Variants in CFAP54 observed in about 807,000 individuals in gnomAD.
CFAP54 encodes cilia and flagella associated protein 54, also known as cilia- and flagella-associated protein 54.
Under a neutral mutation model 370.4 loss-of-function variants are expected in CFAP54, and 290 were observed. That is an observed-to-expected ratio of 0.78 (90% CI 0.71 to 0.86). The LOEUF is 0.86. CFAP54 is among the 40% of genes least tolerant of loss of function. CFAP54 has a pLI of 0.00. For synonymous variants in CFAP54, 1,206 were observed against 1,236.5 expected, an observed-to-expected ratio of 0.98 and a Z score of 0.52; for missense variants, 3,399 against 3,528.7, an observed-to-expected ratio of 0.96 and a Z score of 0.93.
chr12:96,548,542 A>G (rs1308490260), intron 15 of CFAP54, among the ~76,000 whole-genome samples: 1 of 152,204 alleles, frequency 6.6e-6, no homozygotes, highest in Non-Finnish European at 1.5e-5. Flanking sequence ...TCATGAATGT[A>G]CAGGAGGACT....
intron 56 of CFAP54, 145 bp from the exon 57 acceptor site, chr12:96,756,313 A>G: frequency 1.8e-6 from 1 of 566,602 alleles, no homozygotes; most frequent in Non-Finnish European, 3.1e-6. Context: ...ATCTTTCCTC[A>G]TTGGCTTACC....
intron 48 of CFAP54, among the ~76,000 whole-genome samples, chr12:96,717,217 G>C (rs188453089): frequency 3.4e-4 from 51 of 152,136 alleles, no homozygotes; most frequent in Non-Finnish European, 6.9e-4. Context: ...TTTGTACCAC[G>C]TTCAGGCATT....
intron 24 of CFAP54, 115 bp from the exon 25 acceptor site, chr12:96,594,176 C>A: frequency 1.1e-4 from 72 of 632,574 alleles, no homozygotes; most frequent in East Asian, 1.2e-4. Flanking sequence ...TTTTAAAATA[C>A]AAACACTCAT....
intron 30 of CFAP54, among the ~76,000 whole-genome samples, chr12:96,629,027 G>A (rs1956575541): frequency 6.6e-6 from 1 of 152,136 alleles, no homozygotes; most frequent in Admixed American, 6.5e-5. Context: ...AGTTCCTGTT[G>A]GTATTCAGAG....
At chr12:96,650,185 C>T in intron 35 of CFAP54, 113 bp downstream of exon 35, 1 of 907,456 alleles carries the variant, frequency 1.1e-6, no homozygotes, top group South Asian at 1.8e-5. Context: ...TTAGTTGTGA[C>T]TTTGAGATCT....
chr12:96,518,832 A>T, intron 5 of CFAP54, 96 bp from the exon 6 acceptor site: 1 of 1,161,818 alleles, frequency 8.6e-7, no homozygotes, highest in Middle Eastern at 2.4e-4. Context: ...GTAATCAGCA[A>T]CTTGTGCTCA....
intron 55 of CFAP54, 110 bp downstream of exon 55, chr12:96,744,256 A>G: frequency 3.2e-6 from 3 of 925,146 alleles, no homozygotes; most frequent in Non-Finnish European, 4.8e-6. Flanking sequence ...ATTTATGAAT[A>G]CTCAGGCTCC....
intron 50 of CFAP54, among the ~76,000 whole-genome samples, chr12:96,738,608 C>CTTT (rs71068829): frequency 0.028 from 3,640 of 128,758 alleles, 254 homozygotes; most frequent in African/African-American, 0.092. Flanking sequence ...TCTAAATCTC[C>CTTT]TTTTTTTTTT....
intron 65 of CFAP54, among the ~76,000 whole-genome samples, chr12:96,825,469 T>G (rs1959085947): frequency 8.6e-6 from 1 of 116,630 alleles, no homozygotes; most frequent in African/African-American, 3.6e-5. Context: ...TATAATATAT[T>G]ATATATATTA....
intron 39 of CFAP54, among the ~76,000 whole-genome samples, chr12:96,671,760 A>G (rs953469700): frequency 3.3e-5 from 5 of 152,142 alleles, no homozygotes; most frequent in African/African-American, 1.2e-4. Flanking sequence ...CGTCTCTACT[A>G]AAAATATAAA....
intron 55 of CFAP54, among the ~76,000 whole-genome samples, chr12:96,746,956 A>G (rs753983412): frequency 6.6e-6 from 1 of 152,156 alleles, no homozygotes; most frequent in Non-Finnish European, 1.5e-5. Context: ...CTGAACCCCA[A>G]GACTGGGTGA....
At chr12:96,670,495 A>T (rs1957131907) in intron 39 of CFAP54, among the ~76,000 whole-genome samples, 2 of 152,200 alleles carry the variant, frequency 1.3e-5, no homozygotes, top group Admixed American at 1.3e-4. Context: ...CATTTCATTG[A>T]CCACAGTCAC....
At chr12:96,702,233 AGTATGAG>A (rs1957500240) in intron 46 of CFAP54, among the ~76,000 whole-genome samples, 1 of 14,696 alleles carries the variant, frequency 6.8e-5, no homozygotes, top group Non-Finnish European at 1.1e-4. Flanking sequence ...GAGCATGTTA[AGTATGAG>A]ACATGTTAAG....
Position 96,507,076 on chromosome 12 carries a change from A to G in CFAP54, c.716A>G (p.His239Arg). The change falls in exon 4 of 68, where the codon CAT becomes CGT. Residue 239 changes from histidine (H) to arginine (R), a missense_variant. His to Arg is a conservative substitution (Grantham distance 29, BLOSUM62 0). This residue lies in a region of CFAP54 where 559 missense variants were observed against 576.7 expected (regional missense o/e 0.97). Coordinates refer to ENST00000524981, the MANE Select transcript of CFAP54 (RefSeq NM_001306084.2). ...ATGCAAGTGGCTCTGCCACAAGAGC[A>G]TCTTTGCTGGATTATCTTCAATGGT... ...LIMQVALPQE[H>R]LCWIIFNGTI... 6.5e-7 allele frequency: 1 copy of G among 1,532,878 alleles called. No homozygotes were observed. Among genetic ancestry groups the G allele is most frequent in the Non-Finnish European group, 8.7e-7 (1 of 1,146,020 alleles). The allele number at this position is 1,532,878 out of a possible 1,614,324, so 95.0% of individuals were successfully genotyped here.
At chr12:96,813,018 C>G (rs1254513257) in intron 64 of CFAP54, among the ~76,000 whole-genome samples, 1 of 152,068 alleles carries the variant, frequency 6.6e-6, no homozygotes, top group Non-Finnish European at 1.5e-5. Context: ...AACTTAGGTA[C>G]AGGCTACAGA....
chr12:96,817,138 T>C (rs1958983433), intron 64 of CFAP54, among the ~76,000 whole-genome samples: 1 of 152,264 alleles, frequency 6.6e-6, no homozygotes. Context: ...TGCTTTTGCC[T>C]AGATTTTGTT....
chr12:96,633,634 T>C (rs1482825870), intron 32 of CFAP54, among the ~76,000 whole-genome samples: 1 of 152,238 alleles, frequency 6.6e-6, no homozygotes, highest in Non-Finnish European at 1.5e-5. Flanking sequence ...TGCTTAGTAG[T>C]ATTCCATGGC....
Position 96,688,925 on chromosome 12 carries a change from G to A in CFAP54, c.6024G>A (p.Lys2008=), listed in dbSNP as rs771886869. Reference sequence around the variant, plus strand: ...TCTTATACTTACTTAGATTTATTAAGTCATTGAATGTTGAAAAGAAAACTG... The same window carrying A: ...TCTTATACTTACTTAGATTTATTAAATCATTGAATGTTGAAAAGAAAACTG... ...VISAKIAQFI[K]SLNVEKKTDC... is the part of the protein sequence containing the mutation. The change falls in exon 43 of 68, where the codon AAG becomes AAA. Residue 2008 remains lysine, a synonymous_variant. Coordinates refer to ENST00000524981, the MANE Select transcript of CFAP54 (RefSeq NM_001306084.2). 2.9e-5 allele frequency: 46 copies of A among 1,571,968 alleles called. No individual in the cohort carries two copies. Among genetic ancestry groups the A allele is most frequent in the Non-Finnish European group, 3.4e-6 (4 of 1,161,562 alleles).
In CFAP54 at chr12:96,534,231, A is replaced by G. The variant is rs1374156708; in HGVS notation, c.1705+4A>G. ...TTAAAAAAAATTGCTGTTCATGGTAAGTATTTATTTGTTTGTTCAAAAAAT... is the reference window on the plus strand; with the variant it reads ...TTAAAAAAAATTGCTGTTCATGGTAGGTATTTATTTGTTTGTTCAAAAAAT... On this transcript the variant is annotated splice_donor_region_variant and intron_variant, in intron 11 of 67. Coordinates refer to ENST00000524981, the MANE Select transcript of CFAP54 (RefSeq NM_001306084.2). 7.2e-7 allele frequency: 1 copy of G among 1,389,488 alleles called. No individual in the cohort carries two copies. Among genetic ancestry groups the G allele is most frequent in the Non-Finnish European group, 9.7e-7 (1 of 1,034,220 alleles). The allele number at this position is 1,389,488 out of a possible 1,614,324, so 86.1% of individuals were successfully genotyped here. A position where few individuals can be genotyped will look rare whatever the true frequency, so the allele number is the denominator to read the frequency against.
Sources: allele counts gnomAD v4.1 joint callset (sites outside exome capture counted in the v4.1 genomes callset), GRCh38; gene constraint gnomAD v4.1.1; regional missense constraint gnomAD v4.1.1; transcripts MANE v1.5; gene names NCBI Gene and HGNC (gene_info 2026-07-23, HGNC 2026-07-21).